HPCAL1: variants seen among roughly 807,000 people sequenced by gnomAD.
HPCAL1 encodes the protein hippocalcin like 1.
HPCAL1 carries 8 observed loss-of-function variants against 17.1 expected under a neutral mutation model. The ratio of observed to expected loss-of-function variants is 0.47; its 90% CI spans 0.27 to 0.84. The LOEUF (loss-of-function observed/expected upper bound fraction) is 0.84. HPCAL1 is among the 40% of genes least tolerant of loss of function. The pLI, the probability that HPCAL1 is intolerant of heterozygous loss-of-function variation, is 0.13. For missense variants in HPCAL1, 165 were observed against 271.1 expected, an observed-to-expected ratio of 0.61 and a Z score of 2.75; for synonymous variants, 112 against 111.4, an observed-to-expected ratio of 1.01 and a Z score of -0.03.
intron 1 of HPCAL1, chr2:10,369,198 G>A (rs1667059128): frequency 6.6e-6 from 1 of 152,258 alleles, no homozygotes; most frequent in Non-Finnish European, 1.5e-5. Flanking sequence ...GGGGAGCAGA[G>A]GGCCACTGAG....
At chr2:10,401,021 A>T (rs1669573467) in intron 2 of HPCAL1, among the ~76,000 whole-genome samples, 1 of 152,206 alleles carries the variant, frequency 6.6e-6, no homozygotes, top group African/African-American at 2.4e-5. Context: ...GGGAGATGCC[A>T]GGCAGAGGTG....
chr2:10,350,911 C>G (rs1665804219), intron 1 of HPCAL1, among the ~76,000 whole-genome samples: 1 of 152,126 alleles, frequency 6.6e-6, no homozygotes, highest in Non-Finnish European at 1.5e-5. Flanking sequence ...TCAAAAAGTC[C>G]TATAAACTCC....
intron 1 of HPCAL1, among the ~76,000 whole-genome samples, chr2:10,325,891 C>T: frequency 6.6e-6 from 1 of 152,152 alleles, no homozygotes; most frequent in South Asian, 2.1e-4. Context: ...GAGCCGCTGG[C>T]CTTTTTCCAC....
intron 1 of HPCAL1, among the ~76,000 whole-genome samples, chr2:10,318,643 C>T (rs1408513307): frequency 6.6e-6 from 1 of 152,178 alleles, no homozygotes; most frequent in African/African-American, 2.4e-5. Context: ...GCAAAGGATG[C>T]TGTGATCTGA....
intron 2 of HPCAL1, among the ~76,000 whole-genome samples, chr2:10,399,576 ACCG>A (rs1558519029): frequency 5.3e-5 from 2 of 37,534 alleles, no homozygotes; most frequent in East Asian, 1.4e-3. Context: ...CGCCACCACC[ACCG>A]CCACCGCCAC....
At position 10,422,965 on chromosome 2, in the gene HPCAL1, C is replaced by T. The variant is rs778744903; in HGVS notation, c.379-18C>T. On this transcript the variant is annotated intron_variant, in intron 3 of 4. Coordinates refer to ENST00000307845, the MANE Select transcript of HPCAL1 (RefSeq NM_002149.4). ...GCCCCCGGGCCTCTGAGCACAGTGT[C>T]ATTGCCCCCATCCGCAGGCCATCTA... 1.3e-6 allele frequency: 2 copies of T among 1,583,378 alleles called. No individual in the cohort carries two copies. The highest frequency in any genetic ancestry group is 1.7e-6 in the Non-Finnish European group (2 of 1,153,216).
chr2:10,375,449 G>A (rs1667499234), intron 1 of HPCAL1, among the ~76,000 whole-genome samples: 1 of 152,168 alleles, frequency 6.6e-6, no homozygotes. Flanking sequence ...AGAGCCGTGG[G>A]GGAGGGGGGC....
At chr2:10,397,920 T>C (rs1669163324) in intron 2 of HPCAL1, among the ~76,000 whole-genome samples, 2 of 152,190 alleles carry the variant, frequency 1.3e-5, no homozygotes, top group Admixed American at 6.5e-5. Flanking sequence ...ATCTCGTGCA[T>C]ATTAAGGTTG....
At chr2:10,313,201 G>A (rs952506160) in intron 1 of HPCAL1, among the ~76,000 whole-genome samples, 1 of 152,234 alleles carries the variant, frequency 6.6e-6, no homozygotes, top group Admixed American at 6.5e-5. Context: ...GTAAGCCAGT[G>A]TTACCTGCTC....
At position 10,410,436 on chromosome 2, in the gene HPCAL1, C is replaced by CTTTTTTTTTT. The variant is rs36002921; in HGVS notation, c.-24-9282_-24-9273dup. On this transcript the variant is annotated intron_variant, in intron 2 of 4. Transcript: ENST00000307845. ...CCTTGTTCCTCTTTTTCTTCTTCTT[C>CTTTTTTTTTT]TTTTTTTTTTTTTTTTTTTTTTTTT... Among the ~76,000 whole-genome samples, 88 of 77,486 alleles carry CTTTTTTTTTT rather than the reference C, an allele frequency of 1.1e-3. 1 individual carries two copies. The highest frequency in any genetic ancestry group is 2.2e-3 in the East Asian group (5 of 2,320). 50.8% of individuals were successfully genotyped at this position (77,486 alleles called of 152,430 possible).
intron 1 of HPCAL1, among the ~76,000 whole-genome samples, chr2:10,326,369 G>C (rs999615563): frequency 1.3e-5 from 2 of 152,236 alleles, no homozygotes; most frequent in Non-Finnish European, 2.9e-5. Context: ...TTTGAAGGAG[G>C]CTGGCATCAC....
At chr2:10,380,152 C>G (rs1347810069) in intron 1 of HPCAL1, among the ~76,000 whole-genome samples, 1 of 152,240 alleles carries the variant, frequency 6.6e-6, no homozygotes, top group East Asian at 1.9e-4. Context: ...CCCTTGGCCA[C>G]AGTAGATTCG....
At chr2:10,414,381 G>A (rs1021934623) in intron 2 of HPCAL1, among the ~76,000 whole-genome samples, 2 of 139,524 alleles carry the variant, frequency 1.4e-5, no homozygotes, top group Non-Finnish European at 3.2e-5. Context: ...TGGCAGGGTT[G>A]GGTGTTGGCA....
intron 1 of HPCAL1, among the ~76,000 whole-genome samples, chr2:10,307,960 C>G (rs1013914926): frequency 5.9e-5 from 9 of 152,200 alleles, no homozygotes; most frequent in Non-Finnish European, 1.3e-4. Context: ...TGCCTTGGAC[C>G]AAGCTGGAGT....
chr2:10,353,418 C>T (rs946428966), intron 1 of HPCAL1, among the ~76,000 whole-genome samples: 2 of 152,182 alleles, frequency 1.3e-5, no homozygotes, highest in Non-Finnish European at 2.9e-5. Flanking sequence ...AGCTCCTGTG[C>T]CAGTGCTGTC....
At chr2:10,386,984 G>T (rs977348421) in intron 1 of HPCAL1, among the ~76,000 whole-genome samples, 12 of 152,208 alleles carry the variant, frequency 7.9e-5, no homozygotes, top group Non-Finnish European at 1.5e-4. Context: ...TGGGAGAAGC[G>T]GGGCTTGCAG....
intron 1 of HPCAL1, among the ~76,000 whole-genome samples, chr2:10,318,331 G>A (rs116201812): frequency 2.4e-5 from 3 of 126,344 alleles, no homozygotes; most frequent in Non-Finnish European, 3.2e-5. Flanking sequence ...ACCCCAGCTC[G>A]CACCTGCAGA....
chr2:10,341,195 G>A (rs969531402), intron 1 of HPCAL1, among the ~76,000 whole-genome samples: 6 of 151,888 alleles, frequency 4.0e-5, no homozygotes, highest in Admixed American at 2.6e-4. Context: ...GGGGTGCTGG[G>A]GTGCCTGTAA....
At chr2:10,403,557 C>T (rs907000712) in intron 2 of HPCAL1, among the ~76,000 whole-genome samples, 2 of 151,902 alleles carry the variant, frequency 1.3e-5, no homozygotes, top group African/African-American at 4.8e-5. Context: ...GATCTTGTCT[C>T]GCTGCAACCT....
Sources: gnomAD v4.1 joint callset for allele counts (sites outside exome capture counted in the v4.1 genomes callset) on GRCh38, gnomAD v4.1.1 for gene constraint, MANE v1.5 for transcripts, NCBI Gene and HGNC (gene_info 2026-07-23, HGNC 2026-07-21) for gene names.